The following LPIN1 variants were observed in gnomAD, a reference collection of about 807,000 sequenced individuals.
LPIN1 encodes the protein lipin 1.
LPIN1 carries 71 observed loss-of-function variants against 107.5 expected under a neutral mutation model. The ratio of observed to expected loss-of-function variants is 0.66; its 90% CI spans 0.55 to 0.80. The LOEUF (loss-of-function observed/expected upper bound fraction) is 0.80. LPIN1 is among the 30% of genes least tolerant of loss of function. The probability of loss-of-function intolerance (pLI) is 0.00; values close to 1 mark genes in which losing one functional copy is unlikely to be tolerated. For missense variants in LPIN1, 1,043 were observed against 1,160.6 expected (o/e 0.90, Z 1.47); for synonymous variants, 445 against 452.6 (o/e 0.98, Z 0.21).
intron 18 of LPIN1, chr2:11,817,931 C>CAAAAAAAA (rs34888081): frequency 3.9e-5 from 1 of 25,532 alleles, no homozygotes; most frequent in Non-Finnish European, 8.3e-5. Context: ...GACTCTGTCT[C>CAAAAAAAA]AAAAAAAAAA....
At chr2:11,705,337 C>T (rs73915494) in intron 1 of LPIN1, among the ~76,000 whole-genome samples, 3,380 of 152,288 alleles carry the variant, frequency 0.022, 131 homozygotes, top group African/African-American at 0.076. Flanking sequence ...TATTGACTAC[C>T]GTGTGCCAGC....
At chr2:11,773,877 T>A in intron 5 of LPIN1, 132 bp downstream of exon 5, 1 of 993,686 alleles carries the variant, frequency 1.0e-6, no homozygotes, top group Non-Finnish European at 1.5e-6. Flanking sequence ...CGGTGTAGAG[T>A]CGGAGGTACA....
chr2:11,823,339 C>T (rs1355453534), intron 20 of LPIN1, among the ~76,000 whole-genome samples: 4 of 152,078 alleles, frequency 2.6e-5, no homozygotes, highest in Admixed American at 6.5e-5. Flanking sequence ...GCCCTGCTGC[C>T]GCAGCCACAA....
chr2:11,819,630 T>C (rs1296111833), intron 19 of LPIN1, 32 bp downstream of exon 19: 1 of 1,442,174 alleles, frequency 6.9e-7, no homozygotes, highest in Non-Finnish European at 9.8e-7. Flanking sequence ...GAAGAACCCT[T>C]GAAATGACTG....
chr2:11,750,504 C>T (rs1484240944), intron 1 of LPIN1, among the ~76,000 whole-genome samples: 1 of 152,134 alleles, frequency 6.6e-6, no homozygotes, highest in Admixed American at 6.6e-5. Context: ...ATACAAAGTC[C>T]CCTCTGGCAA....
chr2:11,764,407 A>G (rs959676104), intron 1 of LPIN1: 2 of 152,216 alleles, frequency 1.3e-5, no homozygotes, highest in Non-Finnish European at 2.9e-5. Flanking sequence ...TCATTCTCCC[A>G]AAGTGCTGGG....
At chr2:11,710,023 C>G (rs1663328903) in intron 1 of LPIN1, among the ~76,000 whole-genome samples, 1 of 152,196 alleles carries the variant, frequency 6.6e-6, no homozygotes, top group Admixed American at 6.5e-5. Flanking sequence ...GATGGGAATT[C>G]AATTTCAGCT....
intron 14 of LPIN1, among the ~76,000 whole-genome samples, chr2:11,800,080 A>C (rs1677422275): frequency 1.3e-5 from 2 of 151,980 alleles, no homozygotes; most frequent in African/African-American, 4.8e-5. Flanking sequence ...TGATCTCTAA[A>C]TCTTTGTCTT....
intron 8 of LPIN1, 112 bp downstream of exon 8, chr2:11,782,619 G>C (rs1673772229): frequency 8.4e-7 from 1 of 1,195,846 alleles, no homozygotes; most frequent in Non-Finnish European, 1.2e-6. Context: ...ACTGAACCGT[G>C]ACAATGATCA....
upstream of LPIN1, among the ~76,000 whole-genome samples, chr2:11,743,769 C>A (rs1666607943): frequency 6.6e-6 from 1 of 152,182 alleles, no homozygotes; most frequent in Non-Finnish European, 1.5e-5. This position sits in a 1 kb window ranked among gnomAD's most constrained non-coding sequence, Gnocchi z 4.7. Flanking sequence ...CAGTGTTTCT[C>A]CTTCCTACAG....
intron 17 of LPIN1, among the ~76,000 whole-genome samples, chr2:11,807,223 G>T (rs753794031): frequency 6.6e-6 from 1 of 152,188 alleles, no homozygotes; most frequent in African/African-American, 2.4e-5. Flanking sequence ...CAATATTGCC[G>T]AATTGCCCTC....
rs1420615665 is a variant in LPIN1, at chr2:11,697,326, G to A, written c.82-16430G>A. ...GCTCTTGTGCTCCTGGCAGCCCTGA[G>A]CTCTGTCTTTGCTCCAGGCTGGAAC... On this transcript the variant is annotated intron_variant, in intron 1 of 21. Coordinates refer to the LPIN1 transcript ENST00000449576. This position sits in a 1 kb window ranked among gnomAD's most constrained non-coding sequence, Gnocchi z 4.6. Among the ~76,000 whole-genome samples, 3 of 152,220 alleles carry A rather than the reference G, an allele frequency of 2.0e-5. No homozygotes were observed. The highest frequency in any genetic ancestry group is 7.2e-5 in the African/African-American group (3 of 41,460).
intron 1 of LPIN1, chr2:11,724,734 C>A: frequency 1.4e-6 from 1 of 722,454 alleles, no homozygotes; most frequent in Non-Finnish European, 1.7e-6. Flanking sequence ...GCTTCTCAGG[C>A]CCTGGCTTGC....
At chr2:11,795,284 G>T (rs1676463865) in intron 13 of LPIN1, 124 bp from the exon 14 acceptor site, 2 of 788,980 alleles carry the variant, frequency 2.5e-6, no homozygotes, top group Middle Eastern at 4.6e-4. Context: ...GCTAGGGTGG[G>T]CGTCATTGGG....
Position 11,815,544 on chromosome 2 carries a change from G to T in LPIN1, c.2402+304G>T, listed in dbSNP as rs528703759. On this transcript the variant is annotated intron_variant, in intron 18 of 20. Transcript: ENST00000674199. ...CTCAGTCTGTGTCTCCCAGACAATT[G>T]TCTCTGCTTGGAGCCTTTGCACATG... Among the ~76,000 whole-genome samples the T allele has an allele frequency of 1.7e-4, 26 of 152,066 alleles. No homozygotes were observed. In the East Asian group the frequency reaches 4.3e-3, roughly 25 times the overall value.
At chr2:11,742,840 TC>T (rs1169826954), upstream of LPIN1, among the ~76,000 whole-genome samples, 1 of 152,170 alleles carries the variant, frequency 6.6e-6, no homozygotes, top group Non-Finnish European at 1.5e-5. Context: ...GCTCCCGAGC[TC>T]CCCCGCCCAC....
chr2:11,760,709 TG>T lies in LPIN1; in HGVS notation c.-9-4820del, dbSNP rs964186062. Among the ~76,000 whole-genome samples the T allele has an allele frequency of 9.0e-5, 13 of 144,518 alleles. No homozygotes were observed. The Admixed American group carries it at 9.0e-4, about 10-fold the overall frequency. The allele number at this position is 144,518 out of a possible 152,430, so 94.8% of individuals were successfully genotyped here. A position where few individuals can be genotyped will look rare whatever the true frequency, so the allele number is the denominator to read the frequency against. Reference sequence around the variant, plus strand: ...GGAGACGGTGGGGAGAGGGAGACCATGGGGAGGGGGAGGGGGAGGTTTCTGT... The same window carrying T: ...GGAGACGGTGGGGAGAGGGAGACCATGGGAGGGGGAGGGGGAGGTTTCTGT... On this transcript the variant is annotated intron_variant, in intron 1 of 20. Transcript: ENST00000674199.
At chr2:11,735,062 C>T (rs201233399) in intron 1 of LPIN1, among the ~76,000 whole-genome samples, 251 of 152,090 alleles carry the variant, frequency 1.7e-3, no homozygotes, top group African/African-American at 5.6e-3. Context: ...GAGGCCGAGG[C>T]GGGCAGATTA....
intron 1 of LPIN1, among the ~76,000 whole-genome samples, chr2:11,685,484 A>T (rs1277746844): frequency 6.6e-6 from 1 of 152,212 alleles, no homozygotes; most frequent in Non-Finnish European, 1.5e-5. Flanking sequence ...GTAGCAGAGA[A>T]GGGTTTTGAA....
Sources: allele counts gnomAD v4.1 joint callset (sites outside exome capture counted in the v4.1 genomes callset), GRCh38; gene constraint gnomAD v4.1.1; non-coding constraint Gnocchi (gnomAD v3.1); transcripts MANE v1.5; gene names NCBI Gene and HGNC (gene_info 2026-07-23, HGNC 2026-07-21).